The following CIMAP2 variants were observed in gnomAD, a reference collection of about 807,000 sequenced individuals.
CIMAP2 encodes the protein ciliary microtubule-associated protein 2.
At chr1:54,811,768 T>TGGGGG in the CIMAP2 span, 1 of 533,346 alleles carries the variant, frequency 1.9e-6, no homozygotes, top group African/African-American at 2.1e-5. Flanking sequence ...TCTGACAGCC[T>TGGGGG]CCATGCCCCC....
the CIMAP2 span, chr1:54,817,208 T>A: frequency 1.9e-6 from 3 of 1,544,114 alleles, no homozygotes; most frequent in Non-Finnish European, 1.8e-6. Flanking sequence ...CCATGTTTGG[T>A]TCCCATGGGA....
At chr1:54,811,773 G>GCGCCCCC in the CIMAP2 span, 1 of 1,325,052 alleles carries the variant, frequency 7.5e-7, no homozygotes, top group Non-Finnish European at 1.0e-6. Context: ...CAGCCTCCAT[G>GCGCCCCC]CCCCCACCCC....
the CIMAP2 span, chr1:54,811,773 G>GGGGGCGGCGCCCCCCCCCCCCCC: frequency 7.5e-7 from 1 of 1,325,052 alleles, no homozygotes; most frequent in Non-Finnish European, 1.0e-6. Context: ...CAGCCTCCAT[G>GGGGGCGGCGCCCCCCCCCCCCCC]CCCCCACCCC....
chr1:54,811,773 G>GGCCCCACCCCCCC, the CIMAP2 span: 1 of 1,325,052 alleles, frequency 7.5e-7, no homozygotes, highest in Non-Finnish European at 1.0e-6. Flanking sequence ...CAGCCTCCAT[G>GGCCCCACCCCCCC]CCCCCACCCC....
the CIMAP2 span, chr1:54,811,773 G>GCTCCCCCCCC: frequency 1.5e-6 from 2 of 1,325,052 alleles, no homozygotes; most frequent in Non-Finnish European, 2.0e-6. Flanking sequence ...CAGCCTCCAT[G>GCTCCCCCCCC]CCCCCACCCC....
the CIMAP2 span, among the ~76,000 whole-genome samples, chr1:54,818,866 T>C: frequency 6.6e-6 from 1 of 152,224 alleles, no homozygotes; most frequent in Admixed American, 6.5e-5. Flanking sequence ...GTGCTGGGAT[T>C]ACAGGTGTGA....
the CIMAP2 span, among the ~76,000 whole-genome samples, chr1:54,816,621 T>C: frequency 1.8e-3 from 273 of 152,278 alleles, 10 homozygotes; most frequent in East Asian, 0.048. Context: ...CTTTGTAGCT[T>C]CTGGTGGTGG....
the CIMAP2 span, among the ~76,000 whole-genome samples, chr1:54,822,134 G>A: frequency 9.9e-6 from 1 of 100,762 alleles, no homozygotes; most frequent in Non-Finnish European, 2.3e-5. Context: ...TTCTGACCTC[G>A]TGATCCGCCC....
the CIMAP2 span, among the ~76,000 whole-genome samples, chr1:54,829,563 T>G: frequency 6.6e-6 from 1 of 152,246 alleles, no homozygotes; most frequent in African/African-American, 2.4e-5. Context: ...CTGATTCATT[T>G]GAAAAACCTG....
the CIMAP2 span, among the ~76,000 whole-genome samples, chr1:54,813,142 T>C: frequency 1.6e-5 from 1 of 64,366 alleles, no homozygotes; most frequent in Non-Finnish European, 2.8e-5. Flanking sequence ...TTTGTGAGAC[T>C]TTTTTTTTTT....
At chr1:54,811,760 T>C in the CIMAP2 span, 9 of 1,304,334 alleles carry the variant, frequency 6.9e-6, no homozygotes, top group Non-Finnish European at 9.8e-6. Flanking sequence ...GGAGTGGTTC[T>C]GACAGCCTCC....
chr1:54,820,253 G>A, the CIMAP2 span, among the ~76,000 whole-genome samples: 8 of 150,086 alleles, frequency 5.3e-5, no homozygotes, highest in South Asian at 4.2e-4. Flanking sequence ...CTGCAGCCTC[G>A]ACTTCTCAGG....
chr1:54,811,669 C>A, the CIMAP2 span: 2 of 1,070,944 alleles, frequency 1.9e-6, no homozygotes, highest in Non-Finnish European at 2.8e-6. Flanking sequence ...GGGCAGGTAG[C>A]AAGCGGACAC....
chr1:54,813,930 A>G, the CIMAP2 span: 1 of 1,613,232 alleles, frequency 6.2e-7, no homozygotes, highest in Non-Finnish European at 8.5e-7. Flanking sequence ...AAACCCCTAC[A>G]GAGAGGATTT....
the CIMAP2 span, among the ~76,000 whole-genome samples, chr1:54,836,527 T>G: frequency 6.8e-6 from 1 of 147,522 alleles, no homozygotes; most frequent in Non-Finnish European, 1.5e-5. Flanking sequence ...TGGATGGGGG[T>G]AGGGGGTGGG....
At chr1:54,817,001 G>A in the CIMAP2 span, 1 of 1,614,188 alleles carries the variant, frequency 6.2e-7, no homozygotes, top group Non-Finnish European at 8.5e-7. Context: ...CCCAGTAGGT[G>A]TGGGCCGCTA....
chr1:54,832,317 T>C, the CIMAP2 span, among the ~76,000 whole-genome samples: 2 of 152,170 alleles, frequency 1.3e-5, no homozygotes, highest in African/African-American at 4.8e-5. Context: ...TTATAGAACA[T>C]TTATAAAAAT....
the CIMAP2 span, among the ~76,000 whole-genome samples, chr1:54,811,532 G>A: frequency 2.6e-5 from 4 of 152,166 alleles, no homozygotes; most frequent in Admixed American, 6.5e-5. Flanking sequence ...AGTGTGCAAT[G>A]TAAGGAGGAG....
the CIMAP2 span, chr1:54,811,765 G>GCCGGGGGGGGGGGGGGCC: frequency 3.1e-6 from 4 of 1,301,328 alleles, no homozygotes; most frequent in Admixed American, 1.8e-5. Flanking sequence ...GGTTCTGACA[G>GCCGGGGGGGGGGGGGGCC]CCTCCATGCC....
Sources: gnomAD v4.1 joint callset for allele counts (sites outside exome capture counted in the v4.1 genomes callset) on GRCh38, gnomAD v4.1.1 for gene constraint, MANE v1.5 for transcripts, NCBI Gene and HGNC (gene_info 2026-07-23, HGNC 2026-07-21) for gene names.